RELN: variants seen among roughly 807,000 people sequenced by gnomAD.
RELN encodes the protein reelin.
Under a neutral mutation model 427.6 loss-of-function variants are expected in RELN, and 108 were observed. The ratio of observed to expected loss-of-function variants is 0.25; its 90% CI spans 0.22 to 0.30. The LOEUF is 0.30. Among genes scored for constraint, RELN ranks in the 10% least tolerant of loss-of-function variants. The pLI, the probability that RELN is intolerant of heterozygous loss-of-function variation, is 1.00. For synonymous variants in RELN, 1,524 were observed against 1,513.4 expected (o/e 1.01, Z -0.16); for missense variants, 3,715 against 4,302.8 (o/e 0.86, Z 3.82).
Position 103,500,807 on chromosome 7 carries a change from C to G in RELN, c.8605G>C (p.Glu2869Gln). ...NCRGHGDCLR[E>Q]QCICDPGYSG... Reference sequence around the variant, plus strand: ...TATCCCGGATCACAGATGCACTGTTCCCTTAAGCAATCTCCATGGCCCCTG... The same window carrying G: ...TATCCCGGATCACAGATGCACTGTTGCCTTAAGCAATCTCCATGGCCCCTG... The change falls in exon 53 of 65, where the codon GAA becomes CAA. Residue 2869 changes from glutamate to glutamine, a missense_variant. By Grantham distance (29) the Glu-to-Gln change is conservative. Around this residue, in one of 4 missense-constraint regions of RELN, gnomAD observed 1,310 missense variants for 1,643.0 expected, o/e 0.80. Transcript: ENST00000428762. 6.2e-7 allele frequency: 1 copy of G among 1,614,104 alleles called. No homozygotes were observed. The highest frequency in any genetic ancestry group is 8.5e-7 in the Non-Finnish European group (1 of 1,180,012).
intron 13 of RELN, among the ~76,000 whole-genome samples, chr7:103,653,836 G>C (rs989529006): frequency 6.6e-6 from 1 of 152,086 alleles, no homozygotes; most frequent in Non-Finnish European, 1.5e-5. Context: ...AAGAATAACT[G>C]TCAGAGTATT....
chr7:103,700,488 T>C (rs1191189403), intron 9 of RELN, among the ~76,000 whole-genome samples: 1 of 152,160 alleles, frequency 6.6e-6, no homozygotes, highest in Non-Finnish European at 1.5e-5. Context: ...GGAGATTAGA[T>C]GTAAAAGGCC....
At chr7:103,730,302 T>C (rs1790321425) in intron 6 of RELN, among the ~76,000 whole-genome samples, 1 of 152,008 alleles carries the variant, frequency 6.6e-6, no homozygotes, top group South Asian at 2.1e-4. Context: ...AGAAAATATC[T>C]ATATATAATA....
chr7:103,516,282 G>T (rs1474922612), intron 49 of RELN, among the ~76,000 whole-genome samples: 3 of 129,100 alleles, frequency 2.3e-5, no homozygotes, highest in Non-Finnish European at 3.1e-5. Context: ...TCCTCACAAA[G>T]TATCTTTTTT....
Position 103,509,834 on chromosome 7 carries a change from A to C in RELN, c.8274+1017T>G, listed in dbSNP as rs1343342876. Among the ~76,000 whole-genome samples, 4 of 152,320 alleles carry C rather than the reference A, an allele frequency of 2.6e-5. No homozygotes were observed. In the East Asian group the frequency reaches 7.7e-4, roughly 29 times the overall value. On this transcript the variant is annotated intron_variant, in intron 51 of 64. Transcript: ENST00000428762. ...AAACATCAAAAAGTGGTCGAAGGAT[A>C]TGAACAGACACTTCTCAAAAGAAGA...
At chr7:103,616,166 T>C (rs1832074426) in intron 20 of RELN, among the ~76,000 whole-genome samples, 1 of 152,178 alleles carries the variant, frequency 6.6e-6, no homozygotes, top group Admixed American at 6.5e-5. Flanking sequence ...TTGCATTTCT[T>C]AGAAATCTAA....
intron 48 of RELN, among the ~76,000 whole-genome samples, chr7:103,521,556 C>T (rs151237938): frequency 1.4e-3 from 217 of 152,222 alleles, no homozygotes; most frequent in African/African-American, 5.1e-3. Context: ...ATTTTTGGCT[C>T]CTTAAATCCA....
intron 13 of RELN, among the ~76,000 whole-genome samples, 160 bp downstream of exon 13, chr7:103,653,932 AG>A (rs1225625253): frequency 6.6e-6 from 1 of 152,064 alleles, no homozygotes; most frequent in Non-Finnish European, 1.5e-5. Flanking sequence ...AAAAATATGA[AG>A]GTTAAAATGT....
chr7:103,499,752 T>C (rs955508972), intron 53 of RELN, among the ~76,000 whole-genome samples: 3 of 152,212 alleles, frequency 2.0e-5, no homozygotes, highest in Non-Finnish European at 4.4e-5. Flanking sequence ...ACGTAAACTT[T>C]CATTAGAAGA....
intron 49 of RELN, among the ~76,000 whole-genome samples, chr7:103,517,192 T>C (rs1008530974): frequency 1.3e-5 from 2 of 151,670 alleles, no homozygotes; most frequent in East Asian, 1.9e-4. Flanking sequence ...TTTTTTTTGG[T>C]ATGCTTATCT....
At chr7:103,757,864 T>A (rs74534299) in intron 4 of RELN, among the ~76,000 whole-genome samples, 1,793 of 152,280 alleles carry the variant, frequency 0.012, 38 homozygotes, top group African/African-American at 0.04. Context: ...CCTAATTTAG[T>A]TTCATTGGTG....
intron 17 of RELN, among the ~76,000 whole-genome samples, chr7:103,638,344 G>T (rs971977581): frequency 2.0e-5 from 3 of 152,190 alleles, no homozygotes; most frequent in Non-Finnish European, 2.9e-5. Flanking sequence ...GGCTTATCAG[G>T]TTAGTAGTGT....
At chr7:103,502,853 A>G (rs887988218) in intron 52 of RELN, among the ~76,000 whole-genome samples, 163 bp downstream of exon 52, 9 of 152,208 alleles carry the variant, frequency 5.9e-5, no homozygotes, top group Non-Finnish European at 1.5e-5. Context: ...TTAGCTCATC[A>G]TGGAAGTTAT....
intron 3 of RELN, among the ~76,000 whole-genome samples, chr7:103,802,732 G>A (rs1257568347): frequency 6.6e-6 from 1 of 152,112 alleles, no homozygotes; most frequent in Admixed American, 6.6e-5. Flanking sequence ...TAAAGGCACA[G>A]ATTGGCTTTA....
chr7:103,508,994 TAAG>T (rs916815860), intron 51 of RELN, among the ~76,000 whole-genome samples: 3 of 150,000 alleles, frequency 2.0e-5, no homozygotes, highest in African/African-American at 7.5e-5. Context: ...CTCAAGGAAA[TAAG>T]AGAGGATGCA....
intron 2 of RELN, among the ~76,000 whole-genome samples, chr7:103,899,401 C>A (rs1051876197): frequency 6.6e-6 from 1 of 152,062 alleles, no homozygotes; most frequent in Admixed American, 6.6e-5. Context: ...GAAACTATGC[C>A]GAACATTAGA....
At chr7:103,892,227 C>G (rs1794866347) in intron 2 of RELN, among the ~76,000 whole-genome samples, 1 of 152,116 alleles carries the variant, frequency 6.6e-6, no homozygotes, top group Admixed American at 6.6e-5. Context: ...CTTATGGAGA[C>G]AGTAGAGCCT....
intron 8 of RELN, among the ~76,000 whole-genome samples, chr7:103,710,382 CT>C (rs1190224223): frequency 6.6e-6 from 1 of 152,170 alleles, no homozygotes; most frequent in East Asian, 1.9e-4. Flanking sequence ...ACGTAGTTTA[CT>C]TTCCATTTTG....
chr7:103,977,708 C>T (rs73405677), intron 1 of RELN, among the ~76,000 whole-genome samples: 4,127 of 152,158 alleles, frequency 0.027, 218 homozygotes, highest in African/African-American at 0.095. Flanking sequence ...CCTTGAGACA[C>T]GAATCATTTC....
Sources: gnomAD v4.1 joint callset for allele counts (sites outside exome capture counted in the v4.1 genomes callset) on GRCh38, gnomAD v4.1.1 for gene constraint, gnomAD v4.1.1 regional missense constraint, MANE v1.5 for transcripts, NCBI Gene and HGNC (gene_info 2026-07-23, HGNC 2026-07-21) for gene names.